Variants in TYW1B observed in about 807,000 individuals in gnomAD.
The protein encoded by TYW1B is S-adenosyl-L-methionine-dependent tRNA 4-demethylwyosine synthase TYW1B.
Under a neutral mutation model 86.9 loss-of-function variants are expected in TYW1B, and 73 were observed. The observed-to-expected ratio is 0.84, with a 90% CI of 0.70 to 1.02. The LOEUF (loss-of-function observed/expected upper bound fraction) is 1.02. Ranked by LOEUF, TYW1B falls within the 50% of genes least tolerant of loss-of-function variation. The pLI, the probability that TYW1B is intolerant of heterozygous loss-of-function variation, is 0.00. For synonymous variants in TYW1B, 248 were observed against 292.8 expected (o/e 0.85, Z 1.56); for missense variants, 637 against 827.4 (o/e 0.77, Z 2.82).
At chr7:72,745,331 G>A (rs544591903) in intron 7 of TYW1B, among the ~76,000 whole-genome samples, 2 of 152,194 alleles carry the variant, frequency 1.3e-5, no homozygotes, top group Admixed American at 1.3e-4. Flanking sequence ...CCCAGCCCTG[G>A]AGCATACATA....
At chr7:72,576,821 A>G (rs1302211187) in intron 13 of TYW1B, among the ~76,000 whole-genome samples, 6 of 151,568 alleles carry the variant, frequency 4.0e-5, no homozygotes, top group African/African-American at 1.2e-4. Flanking sequence ...CCATGCCACT[A>G]TCTTTTAAAA....
At chr7:72,631,820 A>T (rs1478092385) in intron 11 of TYW1B, among the ~76,000 whole-genome samples, 1 of 152,098 alleles carries the variant, frequency 6.6e-6, no homozygotes, top group East Asian at 1.9e-4. Flanking sequence ...AATGAATCCC[A>T]ACCCATGTAC....
intron 11 of TYW1B, among the ~76,000 whole-genome samples, chr7:72,669,932 AAAATAAAT>A (rs78712037): frequency 0.06 from 8,392 of 140,982 alleles, 324 homozygotes; most frequent in Admixed American, 0.094. Context: ...CCATTTCTAC[AAAATAAAT>A]AAATAAATAA....
intron 13 of TYW1B, among the ~76,000 whole-genome samples, chr7:72,585,408 T>C (rs1259401027): frequency 6.6e-6 from 1 of 152,236 alleles, no homozygotes. Flanking sequence ...GTGGTTTGTA[T>C]GACTATTCCT....
At chr7:72,752,620 A>G (rs1787518856) in intron 7 of TYW1B, among the ~76,000 whole-genome samples, 1 of 152,062 alleles carries the variant, frequency 6.6e-6, no homozygotes, top group Non-Finnish European at 1.5e-5. Context: ...AATCCCAGCT[A>G]CTCGGGAGGC....
intron 11 of TYW1B, among the ~76,000 whole-genome samples, chr7:72,632,388 G>T (rs183111442): frequency 5.7e-5 from 4 of 70,322 alleles, no homozygotes; most frequent in African/African-American, 1.6e-4. Context: ...ATATATATAC[G>T]TATATATATA....
At chr7:72,825,633 G>A (rs1201402480) in intron 2 of TYW1B, among the ~76,000 whole-genome samples, 7 of 152,144 alleles carry the variant, frequency 4.6e-5, no homozygotes, top group Admixed American at 1.3e-4. Context: ...AGCCGAGATC[G>A]TGCCACTGCA....
chr7:72,802,387 A>C lies in TYW1B; in HGVS notation c.846+13T>G. 1 of 1,613,676 alleles carries C rather than the reference A, an allele frequency of 6.2e-7. No individual in the cohort carries two copies. The highest frequency in any genetic ancestry group is 1.1e-5 in the South Asian group (1 of 91,042). On this transcript the variant is annotated intron_variant, in intron 6 of 13. Coordinates refer to ENST00000620995, the MANE Select transcript of TYW1B (RefSeq NM_001145440.3). ...GCGGGAGCCAAGTGCAACATTTCCC[A>C]AAGTAATGGTACCTTTTCTTTCTTC...
At chr7:72,615,206 T>C (rs111769110) in intron 13 of TYW1B, among the ~76,000 whole-genome samples, 4,365 of 118,520 alleles carry the variant, frequency 0.037, no homozygotes, top group African/African-American at 0.047. Context: ...TCCTCTATCC[T>C]CATGGGAAAA....
intron 6 of TYW1B, among the ~76,000 whole-genome samples, chr7:72,801,379 A>C (rs1356034225): frequency 6.6e-6 from 1 of 152,182 alleles, no homozygotes; most frequent in East Asian, 1.9e-4. Flanking sequence ...TCCTTTATGT[A>C]GCTAGTCTAA....
At chr7:72,578,512 T>C (rs1475727685) in intron 13 of TYW1B, among the ~76,000 whole-genome samples, 1 of 152,172 alleles carries the variant, frequency 6.6e-6, no homozygotes, top group African/African-American at 2.4e-5. Context: ...TTGCTGCTAC[T>C]GGCTCCATAG....
chr7:72,722,878 G>A, intron 9 of TYW1B: 1 of 660,304 alleles, frequency 1.5e-6, no homozygotes, highest in African/African-American at 1.9e-5. Context: ...AATAATTAAT[G>A]AGCATTCCTG....
rs1788540520 is a variant in TYW1B at position 72,808,615 on chromosome 7, C to T, written c.433-1259G>A. ...CGACCTCGGCTCACTGCAACCTCTA[C>T]CTCCCGGGTTCAAGTGATTCTCCTG... On this transcript the variant is annotated intron_variant, in intron 4 of 13. Coordinates refer to ENST00000620995, the MANE Select transcript of TYW1B (RefSeq NM_001145440.3). Among the ~76,000 whole-genome samples the T allele has an allele frequency of 2.0e-5, 3 of 149,906 alleles. No homozygotes were observed. The South Asian group carries it at 6.3e-4, about 31-fold the overall frequency.
chr7:72,681,175 C>A (rs1813865361), intron 11 of TYW1B, among the ~76,000 whole-genome samples: 1 of 152,196 alleles, frequency 6.6e-6, no homozygotes, highest in Non-Finnish European at 1.5e-5. Flanking sequence ...CTTTCAATTA[C>A]TAAACCAAGC....
chr7:72,632,458 TATAC>T (rs1812556538), intron 11 of TYW1B, among the ~76,000 whole-genome samples: 1 of 98,512 alleles, frequency 1.0e-5, no homozygotes, highest in African/African-American at 5.0e-5. Context: ...AAAATATATA[TATAC>T]ATATATATAT....
intron 13 of TYW1B, among the ~76,000 whole-genome samples, chr7:72,592,940 C>A (rs1811430786): frequency 6.6e-6 from 1 of 152,160 alleles, no homozygotes; most frequent in African/African-American, 2.4e-5. Context: ...AATTCTACAA[C>A]AATACTCAGA....
chr7:72,686,467 G>C (rs13227629), intron 11 of TYW1B, among the ~76,000 whole-genome samples: 1 of 152,076 alleles, frequency 6.6e-6, no homozygotes, highest in South Asian at 2.1e-4. Flanking sequence ...GGCTACATAC[G>C]GTATGATTCC....
chr7:72,726,479 C>A lies in TYW1B; in HGVS notation c.1192+2343G>T, dbSNP rs151080960. ...CCGGGTTCAAGCGATTCTCCTGCCT[C>A]AGCCCCCCGAGTAGCTGGGATTAAA... On this transcript the variant is annotated intron_variant, in intron 9 of 13. Coordinates refer to ENST00000620995, the MANE Select transcript of TYW1B (RefSeq NM_001145440.3). 2.6e-3 allele frequency among the ~76,000 whole-genome samples: 393 copies of A among 151,876 alleles called. 3 individuals carry two copies. Among genetic ancestry groups the A allele is most frequent in the African/African-American group, 9.3e-3 (383 of 41,404 alleles).
intron 11 of TYW1B, among the ~76,000 whole-genome samples, chr7:72,643,372 A>C (rs1554441698): frequency 6.6e-6 from 1 of 152,068 alleles, no homozygotes; most frequent in South Asian, 2.1e-4. Context: ...GGATCACCTA[A>C]GGTCAGGAGT....
Sources: allele counts gnomAD v4.1 joint callset (sites outside exome capture counted in the v4.1 genomes callset), GRCh38; gene constraint gnomAD v4.1.1; transcripts MANE v1.5; gene names NCBI Gene and HGNC (gene_info 2026-07-23, HGNC 2026-07-21).